Variants in USP34 observed in about 807,000 individuals in gnomAD.
The protein encoded by USP34 is ubiquitin specific peptidase 34, also known as ubiquitin carboxyl-terminal hydrolase 34.
USP34 carries 70 observed loss-of-function variants against 460.3 expected under a neutral mutation model. That is an observed-to-expected ratio of 0.15 (90% CI 0.13 to 0.19). USP34 has a LOEUF of 0.19. Ranked by LOEUF, USP34 falls within the 10% of genes least tolerant of loss-of-function variation. The pLI is 1.00. For synonymous variants in USP34, 1,647 were observed against 1,405.3 expected (o/e 1.17, Z -3.85); for missense variants, 3,985 against 4,236.2 (o/e 0.94, Z 1.65).
At chr2:61,307,447 T>C (rs1308587477) in intron 27 of USP34, among the ~76,000 whole-genome samples, 1 of 151,974 alleles carries the variant, frequency 6.6e-6, no homozygotes, top group Non-Finnish European at 1.5e-5. Context: ...ACATGTACCC[T>C]AGAACTTTAA....
intron 18 of USP34, among the ~76,000 whole-genome samples, chr2:61,335,079 A>G (rs997157665): frequency 4.6e-5 from 7 of 152,358 alleles, no homozygotes; most frequent in African/African-American, 1.7e-4. Flanking sequence ...TTGTTTTTAA[A>G]TGACAGAAAG....
intron 1 of USP34, among the ~76,000 whole-genome samples, chr2:61,465,178 G>A (rs1365230400): frequency 1.4e-5 from 2 of 143,080 alleles, no homozygotes; most frequent in African/African-American, 2.5e-5. Flanking sequence ...TATGTGTCAA[G>A]ATTATATTTA....
chr2:61,210,387 C>T (rs1394049950), intron 69 of USP34, among the ~76,000 whole-genome samples: 5 of 152,150 alleles, frequency 3.3e-5, no homozygotes, highest in South Asian at 2.1e-4. Flanking sequence ...TAATTGCCTA[C>T]AGTATTCAGT....
At chr2:61,372,043 C>G (rs976612497) in intron 8 of USP34, among the ~76,000 whole-genome samples, 1 of 151,894 alleles carries the variant, frequency 6.6e-6, no homozygotes, top group African/African-American at 2.4e-5. Flanking sequence ...TACCATATGA[C>G]TATATTATAA....
At chr2:61,233,271 G>C (rs1348223690) in intron 57 of USP34, among the ~76,000 whole-genome samples, 24 of 152,234 alleles carry the variant, frequency 1.6e-4, no homozygotes, top group Non-Finnish European at 5.9e-5. Context: ...GCCATGAGAA[G>C]AGAAGGAAAC....
chr2:61,285,558 C>T (rs751419342), intron 34 of USP34, among the ~76,000 whole-genome samples: 5 of 149,490 alleles, frequency 3.3e-5, no homozygotes, highest in South Asian at 2.1e-4. Flanking sequence ...GAAATAGGGG[C>T]AAAAATAGTC....
At chr2:61,305,237 T>C (rs1011761432) in intron 27 of USP34, among the ~76,000 whole-genome samples, 3 of 151,564 alleles carry the variant, frequency 2.0e-5, no homozygotes, top group Admixed American at 6.6e-5. Context: ...GGCAGAAAAA[T>C]TGCTTGACCC....
At chr2:61,432,734 G>A (rs2104001262) in intron 1 of USP34, among the ~76,000 whole-genome samples, 1 of 151,578 alleles carries the variant, frequency 6.6e-6, no homozygotes. Context: ...ATAAGGTAAG[G>A]TGAAAAAAAA....
chr2:61,310,225 A>G (rs977501162), intron 27 of USP34, among the ~76,000 whole-genome samples: 8 of 152,192 alleles, frequency 5.3e-5, no homozygotes, highest in Non-Finnish European at 1.2e-4. Context: ...AAGCAGATAC[A>G]TTTGGATCCA....
In USP34 at chr2:61,370,582, A is replaced by G; in HGVS notation, c.1077-3T>C. 6 of 1,612,266 alleles carry G rather than the reference A, an allele frequency of 3.7e-6. No individual in the cohort carries two copies. Among genetic ancestry groups the G allele is most frequent in the Non-Finnish European group, 5.1e-6 (6 of 1,179,526 alleles). On this transcript the variant is annotated splice_region_variant and splice_polypyrimidine_tract_variant and intron_variant, in intron 8 of 79. Coordinates refer to ENST00000398571, the MANE Select transcript of USP34 (RefSeq NM_014709.4). Reference sequence around the variant, plus strand: ...CTGCAAGTTCTTTTGCAATGGACCTAAAGTCAAGCAATGAAAATAGTACAT... The same window carrying G: ...CTGCAAGTTCTTTTGCAATGGACCTGAAGTCAAGCAATGAAAATAGTACAT...
rs113839986 is a variant in USP34 at position 61,297,749 on chromosome 2, A to AT, written c.4129-825dup. Among the ~76,000 whole-genome samples the AT allele has an allele frequency of 3.8e-3, 571 of 150,022 alleles. 2 individuals carry two copies. Among genetic ancestry groups the AT allele is most frequent in the African/African-American group, 0.011 (465 of 40,986 alleles). On this transcript the variant is annotated intron_variant, in intron 29 of 79. Coordinates refer to ENST00000398571, the MANE Select transcript of USP34 (RefSeq NM_014709.4). ...GCACTTTGGTGGCAAGAAAATCTTT[A>AT]TTTTTTTTTTGAGATGGAGTTTCGC...
intron 1 of USP34, among the ~76,000 whole-genome samples, chr2:61,421,711 A>C (rs985467346): frequency 2.0e-5 from 3 of 152,190 alleles, no homozygotes; most frequent in Non-Finnish European, 4.4e-5. Context: ...TGAAGCAGTA[A>C]TATGTCCTAC....
intron 74 of USP34, 135 bp downstream of exon 74, chr2:61,204,121 A>G: frequency 8.2e-7 from 1 of 1,213,508 alleles, no homozygotes; most frequent in South Asian, 1.6e-5. Flanking sequence ...AAAAGGAAAA[A>G]GTCCAAATGA....
chr2:61,467,847 T>C (rs140062961), intron 1 of USP34, among the ~76,000 whole-genome samples: 32 of 152,114 alleles, frequency 2.1e-4, no homozygotes, highest in African/African-American at 7.7e-4. Context: ...GGTCTCGAGC[T>C]CCTGACCTTG....
intron 1 of USP34, among the ~76,000 whole-genome samples, chr2:61,461,781 T>C (rs892013700): frequency 6.6e-6 from 1 of 152,026 alleles, no homozygotes; most frequent in East Asian, 1.9e-4. Context: ...TAATGAAAAA[T>C]GTTTATATTT....
At chr2:61,444,275 C>T (rs1695048520) in intron 1 of USP34, among the ~76,000 whole-genome samples, 1 of 151,912 alleles carries the variant, frequency 6.6e-6, no homozygotes, top group Non-Finnish European at 1.5e-5. Context: ...AAAGAAAAAA[C>T]TCAAAAGCCT....
At chr2:61,367,187 A>G (rs1002515363) in intron 10 of USP34, among the ~76,000 whole-genome samples, 1 of 152,256 alleles carries the variant, frequency 6.6e-6, no homozygotes, top group Admixed American at 6.5e-5. Flanking sequence ...AACGTAACAT[A>G]GAAAGGGCTA....
At chr2:61,305,135 C>A (rs929308414) in intron 27 of USP34, among the ~76,000 whole-genome samples, 1 of 152,028 alleles carries the variant, frequency 6.6e-6, no homozygotes, top group East Asian at 1.9e-4. Flanking sequence ...ACCAGCCTGG[C>A]CAATATGATG....
chr2:61,295,877 A>G (rs1033374974), intron 30 of USP34, among the ~76,000 whole-genome samples: 26 of 152,260 alleles, frequency 1.7e-4, no homozygotes, highest in Non-Finnish European at 3.4e-4. Context: ...TAGAATTAGT[A>G]TAACATTAGG....
Sources: gnomAD v4.1 joint callset for allele counts (sites outside exome capture counted in the v4.1 genomes callset) on GRCh38, gnomAD v4.1.1 for gene constraint, MANE v1.5 for transcripts, NCBI Gene and HGNC (gene_info 2026-07-23, HGNC 2026-07-21) for gene names.